The following ARFGEF1 variants were observed in gnomAD, a reference collection of about 807,000 sequenced individuals.
The protein encoded by ARFGEF1 is ARF guanine nucleotide exchange factor 1, also known as brefeldin A-inhibited guanine nucleotide-exchange protein 1.
In ARFGEF1, 42 loss-of-function variants were observed where a neutral mutation model predicts 231.0. The ratio of observed to expected loss-of-function variants is 0.18; its 90% confidence interval spans 0.14 to 0.24. The LOEUF (loss-of-function observed/expected upper bound fraction) is 0.24, where lower values mean the gene tolerates loss of function less well. ARFGEF1 is among the 10% of genes least tolerant of loss of function. The pLI, the probability that ARFGEF1 is intolerant of heterozygous loss-of-function variation, is 1.00. For missense variants in ARFGEF1, 1,345 were observed against 2,192.0 expected (o/e 0.61, Z 7.72); for synonymous variants, 710 against 732.3 (o/e 0.97, Z 0.49).
intron 14 of ARFGEF1, among the ~76,000 whole-genome samples, chr8:67,263,858 C>A (rs544720748): frequency 2.0e-5 from 3 of 152,200 alleles, no homozygotes; most frequent in Non-Finnish European, 2.9e-5. Flanking sequence ...CTTAGATGGT[C>A]ATAATATATT....
chr8:67,299,084 T>C, intron 4 of ARFGEF1, 125 bp downstream of exon 4: 3 of 962,804 alleles, frequency 3.1e-6, no homozygotes, highest in Non-Finnish European at 2.9e-6. Flanking sequence ...GAGCCCGGCC[T>C]CGAATAACCT....
intron 23 of ARFGEF1, among the ~76,000 whole-genome samples, chr8:67,228,706 A>G (rs772272819): frequency 5.9e-5 from 9 of 152,082 alleles, no homozygotes; most frequent in Non-Finnish European, 1.0e-4. Context: ...AAGTTCATTT[A>G]CACTAAAAGT....
intron 10 of ARFGEF1, among the ~76,000 whole-genome samples, chr8:67,270,689 C>T (rs1179705731): frequency 1.0e-5 from 1 of 95,364 alleles, no homozygotes; most frequent in African/African-American, 3.8e-5. Flanking sequence ...AAGATGAAAA[C>T]AAAAAATCAG....
Position 67,226,015 on chromosome 8 carries a change from C to T in ARFGEF1, c.4077+8G>A, listed in dbSNP as rs915622358. The stretch of plus-strand genomic sequence containing the variant: ...CTGCAAAATTTTGTTTACTAAATGA[C>T]GCTATACCTGAGGTCTATCAGACAC... On this transcript the variant is annotated splice_region_variant and intron_variant, in intron 28 of 38. Transcript: ENST00000262215. 12 of 1,587,798 alleles carry T rather than the reference C, an allele frequency of 7.6e-6. No homozygotes were observed. Among genetic ancestry groups the T allele is most frequent in the African/African-American group, 6.8e-5 (5 of 73,748 alleles).
intron 1 of ARFGEF1, among the ~76,000 whole-genome samples, chr8:67,315,064 T>C (rs531260841): frequency 6.6e-6 from 1 of 152,026 alleles, no homozygotes; most frequent in Admixed American, 6.6e-5. Flanking sequence ...TATGATATAG[T>C]AGGATGAAAG....
chr8:67,281,430 T>A (rs1036025161), intron 7 of ARFGEF1, among the ~76,000 whole-genome samples: 4 of 151,994 alleles, frequency 2.6e-5, no homozygotes, highest in African/African-American at 4.8e-5. Context: ...GATAAAAGCA[T>A]CTTTTAATCA....
chr8:67,179,239 A>G (rs190020146), intron 5 of ARFGEF1, among the ~76,000 whole-genome samples: 11 of 152,180 alleles, frequency 7.2e-5, no homozygotes, highest in African/African-American at 2.4e-4. Flanking sequence ...AATAAGCCCA[A>G]TCTTAGCATT....
At chr8:67,248,856 T>C (rs1375618739) in intron 19 of ARFGEF1, among the ~76,000 whole-genome samples, 1 of 150,586 alleles carries the variant, frequency 6.6e-6, no homozygotes, top group East Asian at 1.9e-4. Context: ...TTGAAACTAG[T>C]CTACAGATTG....
chr8:67,329,831 G>C (rs1169053372), intron 1 of ARFGEF1, among the ~76,000 whole-genome samples: 1 of 151,620 alleles, frequency 6.6e-6, no homozygotes. Context: ...GCATGCATGA[G>C]CAGCAAAACC....
At position 67,343,438 on chromosome 8, in the gene ARFGEF1, G is replaced by A. The variant is rs2128942017; in HGVS notation, c.-151C>T. The A allele has an allele frequency of 2.2e-6, 3 of 1,387,774 alleles. No individual in the cohort carries two copies. The highest frequency in any genetic ancestry group is 2.6e-5 in the East Asian group (1 of 39,118). 86.0% of individuals were successfully genotyped at this position (1,387,774 alleles called of 1,614,324 possible). Reference sequence around the variant, plus strand: ...GAGGGCAGCGGCAGGATCAGGAAGGGGCGGGCGAGCGGGACCAGCCGCGGT... The same window carrying A: ...GAGGGCAGCGGCAGGATCAGGAAGGAGCGGGCGAGCGGGACCAGCCGCGGT... On this transcript the variant is annotated 5_prime_UTR_variant, in exon 1 of 39. Transcript: ENST00000262215.
chr8:67,244,528 G>A (rs895895988), intron 19 of ARFGEF1, among the ~76,000 whole-genome samples: 4 of 148,826 alleles, frequency 2.7e-5, no homozygotes, highest in Non-Finnish European at 5.9e-5. Context: ...TCAAACTCCT[G>A]GGCTCAAGTG....
chr8:67,316,278 T>A (rs1807311779), intron 1 of ARFGEF1, among the ~76,000 whole-genome samples: 1 of 152,182 alleles, frequency 6.6e-6, no homozygotes, highest in Non-Finnish European at 1.5e-5. Context: ...GAATTCATAG[T>A]TTAAAAACTA....
rs770883946 is a variant in ARFGEF1, at chr8:67,199,076, T to C, written c.5408A>G (p.Tyr1803Cys). 1.2e-6 allele frequency: 2 copies of C among 1,610,532 alleles called. No homozygotes were observed. Among genetic ancestry groups the C allele is most frequent in the Non-Finnish European group, 8.5e-7 (1 of 1,179,178 alleles). Residue 1803 changes from tyrosine (Y) to cysteine (C), a missense_variant, in exon 39 of 39, where the codon TAC becomes TGC. This residue lies in a region of ARFGEF1 where 161 missense variants were observed against 284.9 expected (regional missense o/e 0.57). Coordinates refer to ENST00000262215, the MANE Select transcript of ARFGEF1 (RefSeq NM_006421.5). ...DNRFKAHASF[Y>C]YPLLCEIMQF... ...CATAATTTCACATAAGAGAGGGTAG[T>C]AGAATGATGCATGAGCTTTAAACTG...
chr8:67,256,801 G>A (rs1040979308), intron 17 of ARFGEF1, among the ~76,000 whole-genome samples: 2 of 152,138 alleles, frequency 1.3e-5, no homozygotes, highest in Admixed American at 1.3e-4. Context: ...AATTTCATGA[G>A]GCAAAAGAAC....
chr8:67,311,512 TGG>T (rs1180521239), intron 1 of ARFGEF1, among the ~76,000 whole-genome samples: 5 of 60,144 alleles, frequency 8.3e-5, no homozygotes, highest in South Asian at 5.9e-4. Flanking sequence ...GGGAGGGAGG[TGG>T]GGGGGGGTCA....
intron 38 of ARFGEF1, chr8:67,199,364 C>A: frequency 3.1e-6 from 1 of 318,990 alleles, no homozygotes; most frequent in South Asian, 4.8e-5. Flanking sequence ...CACTGTTTTT[C>A]CTGGGTAATA....
chr8:67,312,978 A>G (rs1417666452), intron 1 of ARFGEF1, among the ~76,000 whole-genome samples: 1 of 152,254 alleles, frequency 6.6e-6, no homozygotes, highest in East Asian at 1.9e-4. Context: ...CAAGAGGTCC[A>G]CATAAATGCA....
Position 67,293,916 on chromosome 8 carries a change from A to G in ARFGEF1, c.640-1793T>C, listed in dbSNP as rs1303104263. The stretch of plus-strand genomic sequence containing the variant: ...ACAGCTCTGACTCTTAAATCGCAGT[A>G]ATGTTTTACATACCTAAAAAATAAA... On this transcript the variant is annotated intron_variant, in intron 5 of 38. Coordinates refer to ENST00000262215, the MANE Select transcript of ARFGEF1 (RefSeq NM_006421.5). Among the ~76,000 whole-genome samples the G allele has an allele frequency of 2.0e-5, 3 of 152,292 alleles. No homozygotes were observed. In the East Asian group the frequency reaches 5.8e-4, roughly 29 times the overall value.
At chr8:67,217,169 T>C (rs190071472) in intron 32 of ARFGEF1, among the ~76,000 whole-genome samples, 2,450 of 152,024 alleles carry the variant, frequency 0.016, 68 homozygotes, top group African/African-American at 0.057. Flanking sequence ...CCAGGCATGG[T>C]GGTGCATGCC....
Sources: allele counts gnomAD v4.1 joint callset (sites outside exome capture counted in the v4.1 genomes callset), GRCh38; gene constraint gnomAD v4.1.1; regional missense constraint gnomAD v4.1.1; transcripts MANE v1.5; gene names NCBI Gene and HGNC (gene_info 2026-07-23, HGNC 2026-07-21).